PIEZO2: variants seen among roughly 807,000 people sequenced by gnomAD.
The protein encoded by PIEZO2 is piezo type mechanosensitive ion channel component 2, also known as piezo-type mechanosensitive ion channel component 2.
A neutral mutation model predicts 337.3 loss-of-function variants in PIEZO2; 172 were observed. The ratio of observed to expected loss-of-function variants is 0.51; its 90% CI spans 0.45 to 0.58. The LOEUF (loss-of-function observed/expected upper bound fraction) is 0.58, where lower values mean the gene tolerates loss of function less well. Ranked by LOEUF, PIEZO2 falls within the 20% of genes least tolerant of loss-of-function variation. The pLI, the probability that PIEZO2 is intolerant of heterozygous loss-of-function variation, is 0.00. For synonymous variants in PIEZO2, 1,251 were observed against 1,228.5 expected (o/e 1.02, Z -0.38); for missense variants, 3,028 against 3,391.3 (o/e 0.89, Z 2.66).
At chr18:11,007,606 T>A (rs1271703038) in intron 2 of PIEZO2, among the ~76,000 whole-genome samples, 3 of 152,018 alleles carry the variant, frequency 2.0e-5, no homozygotes, top group Non-Finnish European at 4.4e-5. Context: ...GAGAGAAAAT[T>A]TTTAAAGAAG....
intron 1 of PIEZO2, among the ~76,000 whole-genome samples, chr18:11,073,455 C>T (rs879648058): frequency 1.3e-5 from 2 of 152,144 alleles, no homozygotes; most frequent in Non-Finnish European, 2.9e-5. Flanking sequence ...CAGAGAGGCC[C>T]GTGTGACAAA....
chr18:11,053,055 C>T (rs978822664), intron 2 of PIEZO2, among the ~76,000 whole-genome samples: 4 of 152,180 alleles, frequency 2.6e-5, no homozygotes, highest in Non-Finnish European at 4.4e-5. Context: ...TGTCCTGCAG[C>T]TTGCTATGAA....
chr18:11,139,132 A>G (rs540967794), intron 1 of PIEZO2, among the ~76,000 whole-genome samples: 1 of 152,324 alleles, frequency 6.6e-6, no homozygotes, highest in Admixed American at 6.5e-5. Context: ...GAAGCACTCT[A>G]TAAGCACTGA....
At chr18:10,844,977 C>T (rs141030650) in intron 7 of PIEZO2, among the ~76,000 whole-genome samples, 6 of 151,964 alleles carry the variant, frequency 3.9e-5, no homozygotes, top group East Asian at 1.9e-4. Context: ...AGTTTAAAGA[C>T]GAGATATGGG....
At position 10,671,517 on chromosome 18, in the gene PIEZO2, T is replaced by A. The variant is rs2033773604; in HGVS notation, c.*10A>T. 2 of 1,606,080 alleles carry A rather than the reference T, an allele frequency of 1.2e-6. No individual in the cohort carries two copies. The highest frequency in any genetic ancestry group is 1.7e-6 in the Non-Finnish European group (2 of 1,175,946). On this transcript the variant is annotated 3_prime_UTR_variant, in exon 56 of 56. Coordinates refer to ENST00000674853, the MANE Select transcript of PIEZO2 (RefSeq NM_001378183.1). ...ATGTTAACATTATTTGCAGTCTGTG[T>A]TCTAAGGTTTCAATTTGTTTTTTCT...
At chr18:10,739,065 C>A (rs1016333052) in intron 33 of PIEZO2, 5 of 152,172 alleles carry the variant, frequency 3.3e-5, no homozygotes, top group Non-Finnish European at 7.4e-5. Flanking sequence ...CTCAAAAGAT[C>A]AAATTAAGGG....
chr18:10,783,243 T>C lies in PIEZO2; in HGVS notation c.2492+1541A>G, dbSNP rs947671666. On this transcript the variant is annotated intron_variant, in intron 17 of 55. Transcript: ENST00000674853. This position sits in a 1 kb window ranked among gnomAD's most constrained non-coding sequence, Gnocchi z 4.3. ...TCTGCTAACTAAAATACTTTGTAAT[T>C]ATTGAATAGGGCCCTTGAAAAGAAT... Among the ~76,000 whole-genome samples the C allele has an allele frequency of 1.3e-5, 2 of 152,214 alleles. No individual in the cohort carries two copies. Among genetic ancestry groups the C allele is most frequent in the Admixed American group, 6.5e-5 (1 of 15,288 alleles).
intron 2 of PIEZO2, among the ~76,000 whole-genome samples, chr18:11,022,126 G>A (rs561244386): frequency 6.6e-6 from 1 of 152,296 alleles, no homozygotes; most frequent in East Asian, 1.9e-4. Context: ...GGGGTATAGT[G>A]GATAGATGCT....
At chr18:10,892,995 T>G (rs1300415621) in intron 4 of PIEZO2, among the ~76,000 whole-genome samples, 1 of 152,242 alleles carries the variant, frequency 6.6e-6, no homozygotes, top group Non-Finnish European at 1.5e-5. Context: ...ACAGAGCTGC[T>G]TCAGTGGTTT....
rs1472745815 is a variant in PIEZO2, at chr18:10,676,961, G to T, written c.8081+786C>A. ...TGCGATACCACTGGGCACATACTAT[G>T]TTGGGCCATATGAACCCAGGTGGAC... is the stretch of plus-strand genomic sequence containing the variant. On this transcript the variant is annotated intron_variant, in intron 53 of 55. Coordinates refer to ENST00000674853, the MANE Select transcript of PIEZO2 (RefSeq NM_001378183.1). This position sits in a 1 kb window ranked among gnomAD's most constrained non-coding sequence, Gnocchi z 5.1. 6.6e-6 allele frequency among the ~76,000 whole-genome samples: 1 copy of T among 152,214 alleles called. No homozygotes were observed. Among genetic ancestry groups the T allele is most frequent in the Non-Finnish European group, 1.5e-5 (1 of 68,034 alleles).
chr18:10,682,188 G>A lies in PIEZO2; in HGVS notation c.7602C>T (p.Leu2534=), dbSNP rs1360070433. ...LLICIVWFPL[L]FMSLIKSVAG... The stretch of plus-strand genomic sequence containing the variant: ...CCACAGATTTGATCAAAGACATGAA[G>A]AGAAGAGGAAACCAGACAATGCAGA... Residue 2534 remains leucine (L), a synonymous_variant, in exon 50 of 56, where the codon CTC becomes CTT. Coordinates refer to ENST00000674853, the MANE Select transcript of PIEZO2 (RefSeq NM_001378183.1). The surrounding 1 kb of genome is among the most constrained non-coding windows in gnomAD (Gnocchi z 5.6). 2.6e-6 allele frequency: 4 copies of A among 1,537,118 alleles called. No individual in the cohort carries two copies. Among genetic ancestry groups the A allele is most frequent in the African/African-American group, 2.7e-5 (2 of 73,020 alleles).
chr18:11,077,445 T>C lies in PIEZO2; in HGVS notation c.65-11223A>G, dbSNP rs2038583887. Among the ~76,000 whole-genome samples, 1 of 152,098 alleles carries C rather than the reference T, an allele frequency of 6.6e-6. No individual in the cohort carries two copies. Among genetic ancestry groups the C allele is most frequent in the Admixed American group, 6.5e-5 (1 of 15,282 alleles). On this transcript the variant is annotated intron_variant, in intron 1 of 55. Transcript: ENST00000674853. The surrounding 1 kb of genome is among the most constrained non-coding windows in gnomAD (Gnocchi z 4.8). Reference sequence around the variant, plus strand: ...ACTTTGGGAGGCAGAGGCAGGAGGATTGCTTGAGACCAGGAATTTGAGACC... The same window carrying C: ...ACTTTGGGAGGCAGAGGCAGGAGGACTGCTTGAGACCAGGAATTTGAGACC...
rs191935561 is a variant in PIEZO2, at chr18:10,789,745, T to C, written c.1883-380A>G. ...GCTTCATGGCTCTAGACAATCCAAATAGTACTTTACTAAATGTGGTTAATG... is the reference window on the plus strand; with the variant it reads ...GCTTCATGGCTCTAGACAATCCAAACAGTACTTTACTAAATGTGGTTAATG... On this transcript the variant is annotated intron_variant, in intron 14 of 55. Transcript: ENST00000674853. Among the ~76,000 whole-genome samples the C allele has an allele frequency of 5.3e-4, 81 of 152,328 alleles. No individual in the cohort carries two copies. The Middle Eastern group carries it at 0.01, about 19-fold the overall frequency.
intron 2 of PIEZO2, among the ~76,000 whole-genome samples, chr18:11,018,963 G>T (rs955665246): frequency 6.6e-6 from 1 of 152,062 alleles, no homozygotes; most frequent in African/African-American, 2.4e-5. Context: ...CAGGTGTTTC[G>T]TGAGTGTGTG....
At chr18:11,062,841 A>T (rs2038015989) in intron 2 of PIEZO2, among the ~76,000 whole-genome samples, 1 of 152,206 alleles carries the variant, frequency 6.6e-6, no homozygotes, top group African/African-American at 2.4e-5. Context: ...CCATTGTGGA[A>T]GTCAGTGTGG....
chr18:10,736,803 G>A (rs2037015002), intron 33 of PIEZO2, 93 bp from the exon 34 acceptor site: 13 of 1,343,820 alleles, frequency 9.7e-6, no homozygotes, highest in Non-Finnish European at 1.3e-5. Flanking sequence ...TACACAAATT[G>A]TCCATAAGAG....
chr18:11,079,408 C>T (rs747141025), intron 1 of PIEZO2, among the ~76,000 whole-genome samples: 1 of 152,156 alleles, frequency 6.6e-6, no homozygotes, highest in Admixed American at 6.5e-5. Context: ...TACTGGGGGA[C>T]AAGTAGGTTA....
At position 11,092,335 on chromosome 18, in the gene PIEZO2, A is replaced by G. The variant is rs1185461051; in HGVS notation, c.65-26113T>C. On this transcript the variant is annotated intron_variant, in intron 1 of 55. Coordinates refer to ENST00000674853, the MANE Select transcript of PIEZO2 (RefSeq NM_001378183.1). The surrounding 1 kb of genome is among the most constrained non-coding windows in gnomAD (Gnocchi z 4.5). Reference sequence around the variant, plus strand: ...ACAGAGTATTTGCCAAGAGATTGTTAAACATAATAAATACAGAAAACTAAA... The same window carrying G: ...ACAGAGTATTTGCCAAGAGATTGTTGAACATAATAAATACAGAAAACTAAA... Among the ~76,000 whole-genome samples, 1 of 152,250 alleles carries G rather than the reference A, an allele frequency of 6.6e-6. No individual in the cohort carries two copies. The highest frequency in any genetic ancestry group is 1.9e-4 in the East Asian group (1 of 5,202).
chr18:11,032,747 A>C lies in PIEZO2; in HGVS notation c.160+33380T>G, dbSNP rs2036786635. Among the ~76,000 whole-genome samples, 1 of 152,228 alleles carries C rather than the reference A, an allele frequency of 6.6e-6. No homozygotes were observed. The highest frequency in any genetic ancestry group is 6.5e-5 in the Admixed American group (1 of 15,282). On this transcript the variant is annotated intron_variant, in intron 2 of 55. Transcript: ENST00000674853. This position sits in a 1 kb window ranked among gnomAD's most constrained non-coding sequence, Gnocchi z 4.9. ...AATATGTGCACACATACAGATGTAG[A>C]GTTTTCTAGACAAAGGACATGTTTC... is the stretch of plus-strand genomic sequence containing the variant.
Sources: gnomAD v4.1 joint callset for allele counts (sites outside exome capture counted in the v4.1 genomes callset) on GRCh38, gnomAD v4.1.1 for gene constraint, Gnocchi (gnomAD v3.1) non-coding constraint, MANE v1.5 for transcripts, NCBI Gene and HGNC (gene_info 2026-07-23, HGNC 2026-07-21) for gene names.